The following COL12A1 variants were observed in gnomAD, a reference collection of about 807,000 sequenced individuals.
COL12A1 encodes the protein collagen alpha-1(XII) chain.
A neutral mutation model predicts 349.7 loss-of-function variants in COL12A1; 114 were observed. The ratio of observed to expected loss-of-function variants is 0.33; its 90% CI spans 0.28 to 0.38. The LOEUF (loss-of-function observed/expected upper bound fraction) is 0.38, where lower values mean the gene tolerates loss of function less well. Among genes scored for constraint, COL12A1 ranks in the 10% least tolerant of loss-of-function variants. The pLI, the probability that COL12A1 is intolerant of heterozygous loss-of-function variation, is 1.00. For missense variants in COL12A1, 3,284 were observed against 3,756.9 expected (o/e 0.87, Z 3.29); for synonymous variants, 1,369 against 1,329.0 (o/e 1.03, Z -0.66).
At chr6:75,087,369 A>G (rs1767551887) in intron 65 of COL12A1, 1 of 524,676 alleles carries the variant, frequency 1.9e-6, no homozygotes, top group South Asian at 3.3e-5. Flanking sequence ...ATGCAGAAAC[A>G]TGGGGAAAAA....
At chr6:75,136,455 G>A (rs1766613019) in intron 31 of COL12A1, among the ~76,000 whole-genome samples, 1 of 152,180 alleles carries the variant, frequency 6.6e-6, no homozygotes, top group South Asian at 2.1e-4. Context: ...TTACTTACTG[G>A]GTAGTATCAG....
Position 75,103,746 on chromosome 6 carries a change from A to T in COL12A1, c.8319+11T>A. ...AGATAAGAATTTAAATGCACTCTAAAATATACTTACAATTGCCCCACTGAT... is the reference window on the plus strand; with the variant it reads ...AGATAAGAATTTAAATGCACTCTAATATATACTTACAATTGCCCCACTGAT... On this transcript the variant is annotated intron_variant, in intron 55 of 65. Transcript: ENST00000322507. The T allele has an allele frequency of 6.2e-7, 1 of 1,611,498 alleles. No individual in the cohort carries two copies. The highest frequency in any genetic ancestry group is 8.5e-7 in the Non-Finnish European group (1 of 1,178,136).
intron 27 of COL12A1, among the ~76,000 whole-genome samples, chr6:75,140,883 C>T (rs1446023838): frequency 6.6e-6 from 1 of 152,118 alleles, no homozygotes; most frequent in African/African-American, 2.4e-5. Flanking sequence ...ATGGAAACCA[C>T]TAGCCACATG....
At position 75,142,121 on chromosome 6, in the gene COL12A1, T is replaced by C. The variant is rs929978472; in HGVS notation, c.4868A>G (p.Asp1623Gly). Residue 1623 changes from aspartate to glycine, a missense_variant, in exon 27 of 66, where the codon GAC becomes GGC. By Grantham distance (94) the Asp-to-Gly change is moderately conservative. Transcript: ENST00000322507. ...TGTGTACAAGGTCTGTGAGAAGAGG[T>C]CTTTGAGGGAAGTGCTGGTCTCTGA... ...DRSETSTSLK[D>G]LFSQTLYTVS... 6.8e-6 allele frequency: 11 copies of C among 1,613,922 alleles called. No homozygotes were observed. Among genetic ancestry groups the C allele is most frequent in the Non-Finnish European group, 8.5e-6 (10 of 1,179,986 alleles).
At chr6:75,179,325 T>C (rs1341982684) in intron 11 of COL12A1, among the ~76,000 whole-genome samples, 1 of 152,126 alleles carries the variant, frequency 6.6e-6, no homozygotes, top group Non-Finnish European at 1.5e-5. Flanking sequence ...ACAAGTCCTC[T>C]CTTGAGACAG....
In COL12A1 at chr6:75,130,201, A is replaced by G. The variant is rs1488658209; in HGVS notation, c.6100T>C (p.Phe2034Leu). 3 of 1,613,920 alleles carry G rather than the reference A, an allele frequency of 1.9e-6. No homozygotes were observed. The change falls in exon 37 of 66, where the codon TTT becomes CTT. Residue 2034 changes from phenylalanine to leucine, a missense_variant. By Grantham distance (22) the Phe-to-Leu change is conservative. Coordinates refer to ENST00000322507, the MANE Select transcript of COL12A1 (RefSeq NM_004370.6). ...GAGAGGCTATTGGTTGTTTCACCAA[A>G]GACTCTCAGGTTCCTTGGTCCACTG... ...PRSGPRNLRVFGETTNSLSVA... is the reference protein window; with the variant it reads ...PRSGPRNLRVLGETTNSLSVA...
intron 43 of COL12A1, among the ~76,000 whole-genome samples, chr6:75,122,079 G>A (rs1055651208): frequency 6.6e-5 from 10 of 151,976 alleles, no homozygotes; most frequent in Non-Finnish European, 1.2e-4. Context: ...TGATGGTCTC[G>A]ATCCACCTGT....
intron 20 of COL12A1, 100 bp from the exon 21 acceptor site, chr6:75,151,387 G>A: frequency 7.5e-6 from 8 of 1,062,434 alleles, no homozygotes; most frequent in South Asian, 5.0e-5. Flanking sequence ...GGCTGCTTTT[G>A]GCCAACTATG....
intron 51 of COL12A1, 100 bp from the exon 52 acceptor site, chr6:75,109,267 T>G: frequency 1.3e-6 from 1 of 779,218 alleles, no homozygotes; most frequent in East Asian, 3.1e-5. Flanking sequence ...TTTTAAGCTA[T>G]TCTCATCCTA....
intron 5 of COL12A1, among the ~76,000 whole-genome samples, chr6:75,190,918 A>T (rs1339331419): frequency 6.6e-6 from 1 of 151,944 alleles, no homozygotes; most frequent in Non-Finnish European, 1.5e-5. Context: ...AATAATGATA[A>T]ACAGTGATCT....
At chr6:75,119,312 C>T in intron 45 of COL12A1, 38 bp downstream of exon 45, 1 of 1,605,586 alleles carries the variant, frequency 6.2e-7, no homozygotes, top group Non-Finnish European at 8.5e-7. Context: ...TCTGCCACTA[C>T]AAATGCTTGA....
Position 75,098,238 on chromosome 6 carries a change from G to A in COL12A1, c.8524-932C>T, listed in dbSNP as rs1260309913. 2.6e-5 allele frequency among the ~76,000 whole-genome samples: 4 copies of A among 152,280 alleles called. No individual in the cohort carries two copies. The East Asian group carries it at 7.7e-4, about 29-fold the overall frequency. On this transcript the variant is annotated intron_variant, in intron 58 of 65. Transcript: ENST00000322507. ...CATACAGACATAGAGAAGTCTATAT[G>A]GAAAATCCTGACCACCTAATTAGAA...
chr6:75,088,172 G>T (rs1767593504), intron 64 of COL12A1, among the ~76,000 whole-genome samples: 1 of 152,228 alleles, frequency 6.6e-6, no homozygotes, highest in Non-Finnish European at 1.5e-5. Flanking sequence ...AATAGTTATA[G>T]TTAACATAAA....
intron 17 of COL12A1, among the ~76,000 whole-genome samples, chr6:75,153,665 C>T (rs576278551): frequency 6.6e-6 from 1 of 152,148 alleles, no homozygotes; most frequent in South Asian, 2.1e-4. Flanking sequence ...TAAGCCCTTA[C>T]AAGCCTGCTC....
chr6:75,166,145 T>G (rs1261794878), intron 13 of COL12A1, among the ~76,000 whole-genome samples: 1 of 152,198 alleles, frequency 6.6e-6, no homozygotes, highest in African/African-American at 2.4e-5. Flanking sequence ...TTGTCTGCCT[T>G]GTGACATGGC....
intron 16 of COL12A1, 109 bp from the exon 17 acceptor site, chr6:75,154,646 T>C: frequency 2.6e-6 from 3 of 1,175,022 alleles, no homozygotes; most frequent in East Asian, 5.1e-5. Flanking sequence ...GCTTACACTA[T>C]GAAGAGTTTA....
chr6:75,190,966 A>G (rs79752211), intron 5 of COL12A1, among the ~76,000 whole-genome samples: 1 of 152,066 alleles, frequency 6.6e-6, no homozygotes, highest in East Asian at 1.9e-4. Flanking sequence ...CTTTGTGTTT[A>G]TAATCTTTTT....
Position 75,115,834 on chromosome 6 carries a change from G to C in COL12A1, c.7647C>G (p.Ser2549Arg), listed in dbSNP as rs752042768. 6.2e-7 allele frequency: 1 copy of C among 1,613,584 alleles called. No homozygotes were observed. Among genetic ancestry groups the C allele is most frequent in the Non-Finnish European group, 8.5e-7 (1 of 1,179,638 alleles). ...GVSLESGSFP[S>R]YSAYRIQKNA... The stretch of plus-strand genomic sequence containing the variant: ...TCTTCTGAATCCTGTATGCTGAGTA[G>C]CTGGGGAAAGACCCTGACTCCAAAG... The change falls in exon 49 of 66, where the codon AGC (serine) becomes AGG (arginine). Residue 2549 changes from serine (S) to arginine (R), a missense_variant. Ser to Arg is a moderately radical substitution (Grantham distance 110). Transcript: ENST00000322507.
chr6:75,146,989 T>G (rs1271478964), intron 23 of COL12A1, among the ~76,000 whole-genome samples: 1 of 152,126 alleles, frequency 6.6e-6, no homozygotes, highest in Admixed American at 6.6e-5. Context: ...TTCCTTCTTC[T>G]CCCTAGAGCC....
Sources: gnomAD v4.1 joint callset for allele counts (sites outside exome capture counted in the v4.1 genomes callset) on GRCh38, gnomAD v4.1.1 for gene constraint, MANE v1.5 for transcripts, NCBI Gene and HGNC (gene_info 2026-07-23, HGNC 2026-07-21) for gene names.